The following CTNND2 variants were observed in gnomAD, a reference collection of about 807,000 sequenced individuals.
The protein encoded by CTNND2 is catenin delta-2.
Under a neutral mutation model 144.4 loss-of-function variants are expected in CTNND2, and 22 were observed. That is an observed-to-expected ratio of 0.15 (90% CI 0.11 to 0.22). The LOEUF (loss-of-function observed/expected upper bound fraction) is 0.22. CTNND2 is among the 10% of genes least tolerant of loss of function. CTNND2 has a pLI of 1.00. For missense variants in CTNND2, 1,353 were observed against 1,618.8 expected (o/e 0.84, Z 2.82); for synonymous variants, 751 against 695.6 (o/e 1.08, Z -1.25).
At chr5:11,240,546 C>CA (rs1417469984) in intron 9 of CTNND2, among the ~76,000 whole-genome samples, 3 of 81,862 alleles carry the variant, frequency 3.7e-5, no homozygotes, top group African/African-American at 2.3e-4. Context: ...AACACACACA[C>CA]CCAACACACA....
chr5:11,407,119 T>A (rs1228961599), intron 5 of CTNND2, among the ~76,000 whole-genome samples: 2 of 152,160 alleles, frequency 1.3e-5, no homozygotes, highest in African/African-American at 4.8e-5. Flanking sequence ...AAAGGATGCA[T>A]AGATTAAAGA....
At chr5:11,168,218 A>G (rs927469624) in intron 11 of CTNND2, among the ~76,000 whole-genome samples, 2 of 152,152 alleles carry the variant, frequency 1.3e-5, no homozygotes, top group African/African-American at 4.8e-5. Flanking sequence ...GAATTCTTCT[A>G]TTAGATGTTT....
intron 1 of CTNND2, among the ~76,000 whole-genome samples, chr5:11,860,866 C>A (rs1177577375): frequency 6.6e-6 from 1 of 152,062 alleles, no homozygotes; most frequent in African/African-American, 2.4e-5. Flanking sequence ...ACCAAGTCTG[C>A]CTAAATTGCC....
chr5:11,850,713 C>G (rs1488583814), intron 1 of CTNND2, among the ~76,000 whole-genome samples: 1 of 152,126 alleles, frequency 6.6e-6, no homozygotes, highest in South Asian at 2.1e-4. Context: ...ATATTTCCAT[C>G]TCATTAATGA....
intron 3 of CTNND2, among the ~76,000 whole-genome samples, chr5:11,506,016 T>C (rs371822202): frequency 2.6e-4 from 40 of 152,220 alleles, no homozygotes; most frequent in African/African-American, 9.4e-4. Context: ...GAGTTGAAAC[T>C]CACATTTCTA....
Position 11,641,594 on chromosome 5 carries a change from G to A in CTNND2, c.175-76538C>T, listed in dbSNP as rs1017617169. Among the ~76,000 whole-genome samples, 13 of 138,498 alleles carry A rather than the reference G, an allele frequency of 9.4e-5. 1 individual carries two copies. Among genetic ancestry groups the A allele is most frequent in the East Asian group, 6.0e-4 (3 of 5,022 alleles). 90.9% of individuals were successfully genotyped at this position (138,498 alleles called of 152,430 possible). ...TACGTGTGTATGTATATACATATAC[G>A]TGTGTGTATATACATATACGTGTGT... On this transcript the variant is annotated intron_variant, in intron 2 of 21. Coordinates refer to ENST00000304623, the MANE Select transcript of CTNND2 (RefSeq NM_001332.4).
intron 11 of CTNND2, among the ~76,000 whole-genome samples, chr5:11,173,300 C>CT (rs1760121278): frequency 6.6e-6 from 1 of 152,246 alleles, no homozygotes; most frequent in African/African-American, 2.4e-5. Flanking sequence ...GCTGGGAAGC[C>CT]TTGTGGCTAG....
intron 12 of CTNND2, among the ~76,000 whole-genome samples, chr5:11,147,660 GAA>G (rs3995574): frequency 0.58 from 81,059 of 139,530 alleles, 22,328 homozygotes; most frequent in Admixed American, 0.63. Flanking sequence ...TTCAGCAGTT[GAA>G]AAAAAAAAAA....
intron 3 of CTNND2, among the ~76,000 whole-genome samples, chr5:11,506,967 C>T (rs1037106354): frequency 4.0e-4 from 61 of 152,326 alleles, no homozygotes; most frequent in Non-Finnish European, 7.2e-4. Context: ...TCAACCCTTA[C>T]ATCGAATTAG....
intron 3 of CTNND2, among the ~76,000 whole-genome samples, chr5:11,486,703 T>A (rs1448662704): frequency 6.6e-6 from 1 of 152,118 alleles, no homozygotes; most frequent in Non-Finnish European, 1.5e-5. Flanking sequence ...TCAAAAATCA[T>A]CACTAGTTTA....
intron 1 of CTNND2, among the ~76,000 whole-genome samples, chr5:11,751,590 T>A (rs914126604): frequency 2.0e-5 from 3 of 151,940 alleles, no homozygotes; most frequent in Admixed American, 2.0e-4. Flanking sequence ...CTGCATAGTA[T>A]GCCACAGTGT....
intron 1 of CTNND2, among the ~76,000 whole-genome samples, chr5:11,788,031 G>A (rs2126862343): frequency 6.6e-6 from 1 of 152,240 alleles, no homozygotes; most frequent in East Asian, 1.9e-4. Flanking sequence ...ATATTTCATT[G>A]TTGAAATGAT....
intron 1 of CTNND2, among the ~76,000 whole-genome samples, chr5:11,792,926 T>G (rs1791212941): frequency 6.6e-6 from 1 of 152,184 alleles, no homozygotes; most frequent in Non-Finnish European, 1.5e-5. Flanking sequence ...AAGCCACATT[T>G]ATTTAGGGGG....
At chr5:11,163,947 AT>A (rs1361093736) in intron 11 of CTNND2, among the ~76,000 whole-genome samples, 25 of 152,220 alleles carry the variant, frequency 1.6e-4, no homozygotes, top group South Asian at 4.2e-4. Flanking sequence ...ACACAAATTT[AT>A]AGGTTTGTGT....
intron 12 of CTNND2, among the ~76,000 whole-genome samples, chr5:11,132,719 T>C (rs924539184): frequency 6.6e-6 from 1 of 152,306 alleles, no homozygotes; most frequent in Non-Finnish European, 1.5e-5. Context: ...CCTTAATTTG[T>C]GGCAAAAATG....
At position 11,275,535 on chromosome 5, in the gene CTNND2, G is replaced by A. The variant is rs571696170; in HGVS notation, c.1629-38712C>T. ...TTCTTAGTCTCTTCCACAATAAGAG[G>A]GGTAAGATCCTATCCACCACTCTGA... On this transcript the variant is annotated intron_variant, in intron 9 of 21. Transcript: ENST00000304623. 7.9e-5 allele frequency among the ~76,000 whole-genome samples: 12 copies of A among 152,306 alleles called. 1 individual carries two copies. Among genetic ancestry groups the A allele is most frequent in the African/African-American group, 2.4e-4 (10 of 41,566 alleles).
chr5:11,566,857 C>T (rs1777149670), intron 2 of CTNND2, among the ~76,000 whole-genome samples: 1 of 152,200 alleles, frequency 6.6e-6, no homozygotes, highest in Non-Finnish European at 1.5e-5. Flanking sequence ...TCCTTCCCAG[C>T]ACGCAGTCAG....
chr5:11,614,664 G>T (rs1308474726), intron 2 of CTNND2, among the ~76,000 whole-genome samples: 1 of 152,240 alleles, frequency 6.6e-6, no homozygotes, highest in Admixed American at 6.5e-5. Flanking sequence ...TGGATGAATT[G>T]TGGGTATAGT....
At position 11,389,107 on chromosome 5, in the gene CTNND2, C is replaced by CATCT. The variant is rs150934410; in HGVS notation, c.613-3882_613-3879dup. On this transcript the variant is annotated intron_variant, in intron 6 of 21. Transcript: ENST00000304623. ...GATTGGGCCCCATCCTTGGTCACAC[C>CATCT]ATCTAGGCTGTTGGCAGAGACAATT... is the stretch of plus-strand genomic sequence containing the variant. 9.7e-4 allele frequency among the ~76,000 whole-genome samples: 148 copies of CATCT among 152,248 alleles called. 2 individuals are homozygous for CATCT. The East Asian group carries it at 0.025, about 25-fold the overall frequency.
Sources: allele counts gnomAD v4.1 joint callset (sites outside exome capture counted in the v4.1 genomes callset), GRCh38; gene constraint gnomAD v4.1.1; transcripts MANE v1.5; gene names NCBI Gene and HGNC (gene_info 2026-07-23, HGNC 2026-07-21).